The following CCDC66 variants were observed in gnomAD, a reference collection of about 807,000 sequenced individuals.
CCDC66 encodes coiled-coil domain-containing protein 66.
A neutral mutation model predicts 128.3 loss-of-function variants in CCDC66; 133 were observed. The observed-to-expected ratio is 1.04, with a 90% CI of 0.90 to 1.20. The LOEUF is 1.20. CCDC66 is among the 50% of genes most tolerant of loss of function. The pLI, the probability that CCDC66 is intolerant of heterozygous loss-of-function variation, is 0.00. For synonymous variants in CCDC66, 387 were observed against 357.0 expected, an observed-to-expected ratio of 1.08 and a Z score of -0.95; for missense variants, 1,126 against 1,075.5, an observed-to-expected ratio of 1.05 and a Z score of -0.66.
At chr3:56,614,307 G>T (rs964847100) in intron 11 of CCDC66, among the ~76,000 whole-genome samples, 1 of 152,066 alleles carries the variant, frequency 6.6e-6, no homozygotes, top group East Asian at 1.9e-4. Flanking sequence ...AATTACCTAT[G>T]TGCTTCATTT....
intron 3 of CCDC66, among the ~76,000 whole-genome samples, chr3:56,561,652 G>T (rs541846679): frequency 7.0e-4 from 107 of 152,216 alleles, no homozygotes; most frequent in African/African-American, 2.5e-3. Flanking sequence ...ATTGATAGAG[G>T]TTACAGAGAT....
intron 7 of CCDC66, among the ~76,000 whole-genome samples, chr3:56,588,007 A>T (rs926262151): frequency 2.0e-5 from 3 of 152,282 alleles, no homozygotes; most frequent in Non-Finnish European, 2.9e-5. Flanking sequence ...TTATAGCAGC[A>T]TAATTCACAA....
intron 7 of CCDC66, among the ~76,000 whole-genome samples, chr3:56,589,456 A>G (rs941481747): frequency 6.6e-6 from 1 of 152,198 alleles, no homozygotes; most frequent in African/African-American, 2.4e-5. Flanking sequence ...AACAGGAAAT[A>G]TAAGAAAGAA....
intron 14 of CCDC66, 53 bp downstream of exon 14, chr3:56,617,658 A>G: frequency 1.3e-6 from 2 of 1,539,990 alleles, no homozygotes; most frequent in Non-Finnish European, 1.7e-6. Context: ...TTCAAAACAC[A>G]GTTTCTCATA....
At chr3:56,560,111 A>G (rs17056892) in intron 3 of CCDC66, among the ~76,000 whole-genome samples, 3,989 of 152,364 alleles carry the variant, frequency 0.026, 94 homozygotes, top group African/African-American at 0.062. Flanking sequence ...CACAAATTGT[A>G]GCATGCATTT....
rs146902869 is a variant in CCDC66 at position 56,604,994 on chromosome 3, G to T, written c.1405-8595G>T. On this transcript the variant is annotated intron_variant, in intron 10 of 17. Coordinates refer to ENST00000394672, the MANE Select transcript of CCDC66 (RefSeq NM_001141947.3). The stretch of plus-strand genomic sequence containing the variant: ...TTTTCATTCTTTTTTTTCTAATCTT[G>T]TCTTTTTGCTGTATTTCATTAAGTT... Among the ~76,000 whole-genome samples, 96 of 151,626 alleles carry T rather than the reference G, an allele frequency of 6.3e-4. 2 individuals carry two copies. The East Asian group carries it at 0.017, about 28-fold the overall frequency.
intron 10 of CCDC66, among the ~76,000 whole-genome samples, chr3:56,610,237 C>G (rs1043811759): frequency 2.0e-4 from 30 of 152,124 alleles, no homozygotes; most frequent in African/African-American, 7.2e-4. Flanking sequence ...CATCCGAGCT[C>G]TGAATTTCTT....
At chr3:56,618,762 T>C (rs936971238) in intron 15 of CCDC66, 1 of 157,122 alleles carries the variant, frequency 6.4e-6, no homozygotes, top group African/African-American at 2.4e-5. Context: ...TTCCTCAGGA[T>C]CTAGGAATTA....
chr3:56,606,464 T>G (rs1288601851), intron 10 of CCDC66, among the ~76,000 whole-genome samples: 1 of 152,048 alleles, frequency 6.6e-6, no homozygotes, highest in African/African-American at 2.4e-5. Context: ...AAAAGCACAG[T>G]ATCTGGGCCA....
rs2065466717 is a variant in CCDC66 at position 56,564,058 on chromosome 3, G to A, written c.477G>A (p.Gln159=). Residue 159 remains glutamine (Q), a synonymous_variant, in exon 4 of 18, where the codon CAG becomes CAA. Coordinates refer to ENST00000394672, the MANE Select transcript of CCDC66 (RefSeq NM_001141947.3). ...GTCTAACACAAGACCAACTACAACAGATTTTGATGACTGTAAACCAAGGAA... is the reference window on the plus strand; with the variant it reads ...GTCTAACACAAGACCAACTACAACAAATTTTGATGACTGTAAACCAAGGAA... The part of the protein sequence containing the change: ...LVCLTQDQLQ[Q]ILMTVNQGNR... 1 of 1,613,992 alleles carries A rather than the reference G, an allele frequency of 6.2e-7. No homozygotes were observed. Among genetic ancestry groups the A allele is most frequent in the Admixed American group, 1.7e-5 (1 of 60,022 alleles).
Position 56,593,021 on chromosome 3 carries a change from A to G in CCDC66, c.988A>G (p.Arg330Gly), listed in dbSNP as rs1327146861. 6.2e-7 allele frequency: 1 copy of G among 1,611,046 alleles called. No individual in the cohort carries two copies. The highest frequency in any genetic ancestry group is 1.1e-5 in the South Asian group (1 of 90,514). Reference sequence around the variant, plus strand: ...CAGTGCTGTGAAACAAGAACTGCAAAGAAAATGGATTGAAGAGTTGAATAA... The same window carrying G: ...CAGTGCTGTGAAACAAGAACTGCAAGGAAAATGGATTGAAGAGTTGAATAA... ...PFSAVKQELQ[R>G]KWIEELNKQI... Residue 330 changes from arginine (R) to glycine (G), a missense_variant, in exon 8 of 18, where the codon AGA becomes GGA. By Grantham distance (125) the Arg-to-Gly change is moderately radical. Coordinates refer to ENST00000394672, the MANE Select transcript of CCDC66 (RefSeq NM_001141947.3).
rs549009997 is a variant in CCDC66, at chr3:56,619,872, A to G, written c.2731A>G (p.Ile911Val). 13 of 1,614,060 alleles carry G rather than the reference A, an allele frequency of 8.1e-6. No individual in the cohort carries two copies. Among genetic ancestry groups the G allele is most frequent in the South Asian group, 3.3e-5 (3 of 91,084 alleles). Residue 911 changes from isoleucine (I) to valine (V), a missense_variant, in exon 17 of 18, where the codon ATC becomes GTC. Ile to Val is a conservative substitution (Grantham distance 29, BLOSUM62 3). Transcript: ENST00000394672. ...MVKNRDRQQA[I>V]LKGLSELRQG... ...GAAAAATAGGGATCGACAGCAAGCA[A>G]TCCTTAAGGGACTTTCAGAACTGAG...
chr3:56,594,575 C>G (rs966066160), intron 10 of CCDC66, among the ~76,000 whole-genome samples: 2 of 151,588 alleles, frequency 1.3e-5, no homozygotes, highest in East Asian at 1.9e-4. Flanking sequence ...CCCAGCTACT[C>G]GGGAGGCTGA....
chr3:56,618,139 A>G, intron 14 of CCDC66, 33 bp from the exon 15 acceptor site: 1 of 1,548,136 alleles, frequency 6.5e-7, no homozygotes, highest in Non-Finnish European at 8.9e-7. Context: ...GATGCTATAT[A>G]TTCCTTTCTG....
chr3:56,612,006 A>G (rs766263506), intron 10 of CCDC66, among the ~76,000 whole-genome samples: 1 of 152,214 alleles, frequency 6.6e-6, no homozygotes, highest in South Asian at 2.1e-4. Flanking sequence ...CTGTTCTTGC[A>G]GTTGATCTAT....
At chr3:56,565,046 C>A in intron 4 of CCDC66, 1 of 232,316 alleles carries the variant, frequency 4.3e-6, no homozygotes, top group South Asian at 4.0e-5. Context: ...TTTCTCTTCA[C>A]TGGGAGAACT....
chr3:56,594,785 A>G (rs2071575160), intron 10 of CCDC66, among the ~76,000 whole-genome samples: 1 of 152,238 alleles, frequency 6.6e-6, no homozygotes, highest in Admixed American at 6.5e-5. Context: ...GGACTTTAAT[A>G]TCTGCATAAT....
In CCDC66 at chr3:56,619,497, A is replaced by G. The variant is rs1300441659; in HGVS notation, c.2605A>G (p.Thr869Ala). 6.2e-7 allele frequency: 1 copy of G among 1,611,668 alleles called. No individual in the cohort carries two copies. The highest frequency in any genetic ancestry group is 1.7e-5 in the Admixed American group (1 of 59,464). Residue 869 changes from threonine to alanine, a missense_variant, in exon 16 of 18, where the codon ACC becomes GCC. Thr to Ala is a moderately conservative substitution (Grantham distance 58). Transcript: ENST00000394672. ...DPDAPLSGPS[T>A]QDPQYQNSQD... ...CGATGCACCATTGTCTGGGCCTTCA[A>G]CCCAGGACCCTCAGTACCAAAATTC...
At position 56,563,962 on chromosome 3, in the gene CCDC66, A is replaced by G. The variant is rs369409148; in HGVS notation, c.381A>G (p.Thr127=). The G allele has an allele frequency of 1.1e-5, 17 of 1,613,866 alleles. No individual in the cohort carries two copies. The African/African-American group carries it at 1.7e-4, about 16-fold the overall frequency. ...NMQKTRNTVN[T]SLVGKQKPHK... is the part of the protein sequence containing the mutation. ...AGAAGACTAGAAACACCGTAAATACATCTCTAGTAGGTAAACAGAAGCCTC... is the reference window on the plus strand; with the variant it reads ...AGAAGACTAGAAACACCGTAAATACGTCTCTAGTAGGTAAACAGAAGCCTC... The change falls in exon 4 of 18, where the codon ACA becomes ACG. Residue 127 remains threonine (T), a synonymous_variant. Coordinates refer to ENST00000394672, the MANE Select transcript of CCDC66 (RefSeq NM_001141947.3).
Sources: allele counts gnomAD v4.1 joint callset (sites outside exome capture counted in the v4.1 genomes callset), GRCh38; gene constraint gnomAD v4.1.1; transcripts MANE v1.5; gene names NCBI Gene and HGNC (gene_info 2026-07-23, HGNC 2026-07-21).